ZC3H12B: variants seen among roughly 807,000 people sequenced by gnomAD.
The protein encoded by ZC3H12B is zinc finger CCCH-type containing 12B.
A neutral mutation model predicts 43.9 loss-of-function variants in ZC3H12B; 7 were observed. The observed-to-expected ratio is 0.16, with a 90% CI of 0.09 to 0.30. The LOEUF (loss-of-function observed/expected upper bound fraction) is 0.30, where lower values mean the gene tolerates loss of function less well. Ranked by LOEUF, ZC3H12B falls within the 10% of genes least tolerant of loss-of-function variation. ZC3H12B has a pLI of 1.00. For synonymous variants in ZC3H12B, 222 were observed against 241.7 expected (o/e 0.92, Z 0.76); for missense variants, 475 against 670.2 (o/e 0.71, Z 3.22).
chrX:65,213,212 T>C, the ZC3H12B span, among the ~76,000 whole-genome samples: 21 of 110,285 alleles, frequency 1.9e-4, no homozygotes, highest in Non-Finnish European at 7.6e-5. Context: ...AATCTATCAG[T>C]GTGCCCACGA....
chrX:65,428,874 T>C (rs767157207), intron 3 of ZC3H12B, among the ~76,000 whole-genome samples: 77 of 112,903 alleles, frequency 6.8e-4, no homozygotes, highest in African/African-American at 2.4e-3. Context: ...TTTTTTATCC[T>C]TGTGGGCTTA....
the ZC3H12B span, among the ~76,000 whole-genome samples, chrX:65,172,193 C>T: frequency 4.5e-5 from 5 of 112,346 alleles, no homozygotes; most frequent in African/African-American, 1.6e-4. Context: ...CCAGTGATGA[C>T]GATCTTTTTT....
At chrX:65,343,646 A>G in the ZC3H12B span, among the ~76,000 whole-genome samples, 1 of 112,334 alleles carries the variant, frequency 8.9e-6, no homozygotes, top group Admixed American at 9.5e-5. Flanking sequence ...TTAAAAACTC[A>G]TTATAAAGCA....
At chrX:65,277,956 C>G in the ZC3H12B span, among the ~76,000 whole-genome samples, 1 of 110,248 alleles carries the variant, frequency 9.1e-6, no homozygotes, top group African/African-American at 3.3e-5. Context: ...AATTGACAAA[C>G]GTTATTTATA....
At chrX:65,493,320 T>C (rs2068231977) in intron 1 of ZC3H12B, among the ~76,000 whole-genome samples, 1 of 108,989 alleles carries the variant, frequency 9.2e-6, no homozygotes, top group South Asian at 4.0e-4. Context: ...AACGCAGAGG[T>C]TGCAGTGAGC....
chrX:65,120,272 T>C, the ZC3H12B span, among the ~76,000 whole-genome samples: 10 of 112,056 alleles, frequency 8.9e-5, no homozygotes, highest in Admixed American at 4.7e-4. Context: ...ATTCTTGCTA[T>C]CCATGAGCAT....
chrX:65,279,022 A>ATT, the ZC3H12B span, among the ~76,000 whole-genome samples: 11 of 110,396 alleles, frequency 1.0e-4, no homozygotes, highest in African/African-American at 3.3e-4. Flanking sequence ...TGTGTATTAC[A>ATT]TTTTTTTAAT....
Position 65,466,915 on chromosome X carries a change from A to AACATATAT in ZC3H12B, n.408-21730_408-21729insCATATATA, listed in dbSNP as rs1320106217. On this transcript the variant is annotated intron_variant and non_coding_transcript_variant, in intron 3 of 5. Coordinates refer to the ZC3H12B transcript ENST00000617377. The stretch of plus-strand genomic sequence containing the variant: ...ATATGTAACTATATATATAAAACCA[A>AACATATAT]ATATATATATATATATATATATATA... 5.4e-4 allele frequency among the ~76,000 whole-genome samples: 13 copies of AACATATAT among 23,932 alleles called. 1 individual carries two copies. The highest frequency in any genetic ancestry group is 1.4e-3 in the Non-Finnish European group (9 of 6,298). 20.8% of individuals were successfully genotyped at this position (23,932 alleles called of 115,157 possible). A position where few individuals can be genotyped will look rare whatever the true frequency, so the allele number is the denominator to read the frequency against.
chrX:65,358,133 G>T, the ZC3H12B span, among the ~76,000 whole-genome samples: 1 of 111,192 alleles, frequency 9.0e-6, no homozygotes, highest in African/African-American at 3.3e-5. Flanking sequence ...GATCAATGCA[G>T]TAAAAAGAGC....
At chrX:65,311,300 G>T in the ZC3H12B span, among the ~76,000 whole-genome samples, 1 of 111,135 alleles carries the variant, frequency 9.0e-6, no homozygotes, top group African/African-American at 3.3e-5. Context: ...AAATTTACAA[G>T]AAAAAAACAA....
At chrX:65,310,420 A>T in the ZC3H12B span, among the ~76,000 whole-genome samples, 1 of 111,632 alleles carries the variant, frequency 9.0e-6, no homozygotes, top group African/African-American at 3.3e-5. Context: ...AAGAGAATAA[A>T]ATACCTAGGA....
At chrX:65,205,134 A>G in the ZC3H12B span, among the ~76,000 whole-genome samples, 6 of 112,190 alleles carry the variant, frequency 5.3e-5, no homozygotes, top group East Asian at 1.7e-3. Flanking sequence ...ATGAGTACTT[A>G]TAGAATCTTT....
the ZC3H12B span, among the ~76,000 whole-genome samples, chrX:65,207,597 A>G: frequency 9.1e-6 from 1 of 109,720 alleles, no homozygotes; most frequent in African/African-American, 3.3e-5. Flanking sequence ...AACTTTTGAG[A>G]AGTCAGGTAG....
the ZC3H12B span, among the ~76,000 whole-genome samples, chrX:65,269,618 G>C: frequency 9.1e-6 from 1 of 110,289 alleles, no homozygotes; most frequent in Non-Finnish European, 1.9e-5. Flanking sequence ...TCCTGCCTCA[G>C]CCTCCTGAGT....
chrX:65,101,267 G>A, the ZC3H12B span, among the ~76,000 whole-genome samples: 17 of 111,953 alleles, frequency 1.5e-4, no homozygotes, highest in Non-Finnish European at 3.2e-4. Context: ...GAAATTTATA[G>A]CACTAAATGC....
At chrX:65,163,628 GC>G in the ZC3H12B span, among the ~76,000 whole-genome samples, 1 of 111,910 alleles carries the variant, frequency 8.9e-6, no homozygotes, top group South Asian at 3.7e-4. Context: ...TCAGAAAAGC[GC>G]AGTATTAGGG....
chrX:65,242,343 A>G, the ZC3H12B span, among the ~76,000 whole-genome samples: 1 of 111,939 alleles, frequency 8.9e-6, no homozygotes, highest in Non-Finnish European at 1.9e-5. Context: ...CATTTCATAA[A>G]CCAATAGTGA....
the ZC3H12B span, among the ~76,000 whole-genome samples, chrX:65,164,566 T>C: frequency 1.8e-5 from 2 of 111,636 alleles, no homozygotes; most frequent in South Asian, 7.5e-4. Context: ...TGGGAAGAGA[T>C]TAATATCTTT....
chrX:65,471,548 T>A (rs2067914085), intron 3 of ZC3H12B, among the ~76,000 whole-genome samples: 2 of 105,769 alleles, frequency 1.9e-5, no homozygotes, highest in Admixed American at 1.0e-4. Context: ...CCTCCCAGGT[T>A]CAAGCAATTC....
Sources: allele counts gnomAD v4.1 joint callset (sites outside exome capture counted in the v4.1 genomes callset), GRCh38; gene constraint gnomAD v4.1.1; transcripts MANE v1.5; gene names NCBI Gene and HGNC (gene_info 2026-07-23, HGNC 2026-07-21).